Variants in NR1H2 observed in about 807,000 individuals in gnomAD.
The protein encoded by NR1H2 is oxysterols receptor LXR-beta.
In NR1H2, 33 loss-of-function variants were observed where a neutral mutation model predicts 51.2. The observed-to-expected ratio is 0.64, with a 90% CI of 0.49 to 0.86. The LOEUF (loss-of-function observed/expected upper bound fraction) is 0.86. Among genes scored for constraint, NR1H2 ranks in the 40% least tolerant of loss-of-function variants. The probability of loss-of-function intolerance (pLI) is 0.00; values close to 1 mark genes in which losing one functional copy is unlikely to be tolerated. For synonymous variants in NR1H2, 310 were observed against 264.3 expected, an observed-to-expected ratio of 1.17 and a Z score of -1.68; for missense variants, 592 against 639.9, an observed-to-expected ratio of 0.93 and a Z score of 0.81.
intron 7 of NR1H2, among the ~76,000 whole-genome samples, chr19:50,379,554 G>T (rs1178719710): frequency 6.6e-6 from 1 of 152,188 alleles, no homozygotes; most frequent in African/African-American, 2.4e-5. Context: ...CCTGGGGAAA[G>T]AGTATCCTAA....
At chr19:50,377,516 T>G in intron 2 of NR1H2, 71 bp from the exon 3 acceptor site, 2 of 1,217,546 alleles carry the variant, frequency 1.6e-6, no homozygotes, top group Admixed American at 2.1e-5. Flanking sequence ...GAAAGCCCTG[T>G]CAGGACCTGT....
chr19:50,377,957 G>A (rs2037696234), intron 4 of NR1H2, 87 bp downstream of exon 4: 1 of 1,479,476 alleles, frequency 6.8e-7, no homozygotes, highest in Non-Finnish European at 9.0e-7. Flanking sequence ...GGGAGGCCCT[G>A]ATCTTTGCTT....
At chr19:50,379,240 G>A (rs765852685) in intron 7 of NR1H2, 59 bp downstream of exon 7, 1 of 1,526,582 alleles carries the variant, frequency 6.6e-7, no homozygotes, top group Non-Finnish European at 8.9e-7. Context: ...GATGCTGGGA[G>A]CAGAGTTAAG....
At chr19:50,379,270 T>C (rs764534406) in intron 7 of NR1H2, 89 bp downstream of exon 7, 5 of 1,363,366 alleles carry the variant, frequency 3.7e-6, no homozygotes, top group Non-Finnish European at 5.0e-6. Flanking sequence ...TGCTTGCCGT[T>C]GTAGGATGAC....
rs1409446384 is a variant in NR1H2 at position 50,379,185 on chromosome 19, A to G, written c.927+4A>G. On this transcript the variant is annotated splice_donor_region_variant and intron_variant, in intron 7 of 9. Coordinates refer to ENST00000253727, the MANE Select transcript of NR1H2 (RefSeq NM_007121.7). ...CCTGAAGGCATCCACTATCGAGGTA[A>G]TGGTCCATCTGCCCACAAGGAACCC... is the stretch of plus-strand genomic sequence containing the variant. 7 of 1,608,066 alleles carry G rather than the reference A, an allele frequency of 4.4e-6. No individual in the cohort carries two copies. The highest frequency in any genetic ancestry group is 2.7e-5 in the African/African-American group (2 of 74,866).
In NR1H2 at chr19:50,379,066, C is replaced by T. The variant is rs1280987573; in HGVS notation, c.812C>T (p.Thr271Met). The change falls in exon 7 of 10, where the codon ACG becomes ATG. Residue 271 changes from threonine to methionine, a missense_variant. Transcript: ENST00000253727. ...DARQQRFAHF[T>M]ELAIISVQEI... ...CGCCAGCAACGCTTTGCCCACTTCA[C>T]GGAGCTGGCCATCATCTCAGTCCAG... 3 of 1,613,864 alleles carry T rather than the reference C, an allele frequency of 1.9e-6. No homozygotes were observed. The highest frequency in any genetic ancestry group is 1.7e-5 in the Admixed American group (1 of 59,998).
At position 50,382,667 on chromosome 19, in the gene NR1H2, C is replaced by G; in HGVS notation, c.*65C>G. On this transcript the variant is annotated 3_prime_UTR_variant, in exon 10 of 10. Transcript: ENST00000253727. ...CTCCAGCAGATAGACGCCGGCACCCCTTCCTCTTCCTAGGGTGGAAGGGGC... is the reference window on the plus strand; with the variant it reads ...CTCCAGCAGATAGACGCCGGCACCCGTTCCTCTTCCTAGGGTGGAAGGGGC... 6.8e-7 allele frequency: 1 copy of G among 1,478,972 alleles called. No homozygotes were observed. Among genetic ancestry groups the G allele is most frequent in the South Asian group, 1.3e-5 (1 of 74,470 alleles). The allele number at this position is 1,478,972 out of a possible 1,614,324, so 91.6% of individuals were successfully genotyped here.
rs914592064 is a variant in NR1H2 at position 50,382,805 on chromosome 19, G to C, written c.*203G>C. ...GTCTTCCAGAAGGGGTGAAAGGGTT[G>C]CAGGTCCCGACCACTGACCCTTCCC... On this transcript the variant is annotated 3_prime_UTR_variant, in exon 10 of 10. Coordinates refer to ENST00000253727, the MANE Select transcript of NR1H2 (RefSeq NM_007121.7). The C allele has an allele frequency of 7.7e-6, 4 of 520,568 alleles. No individual in the cohort carries two copies. The African/African-American group carries it at 7.9e-5, about 10-fold the overall frequency. 32.2% of individuals were successfully genotyped at this position (520,568 alleles called of 1,614,324 possible).
intron 2 of NR1H2, chr19:50,377,163 G>A (rs919801068): frequency 1.8e-5 from 3 of 166,808 alleles, no homozygotes; most frequent in Non-Finnish European, 3.9e-5. Context: ...GAAGGTTGAG[G>A]GCGGAGCATA....
chr19:50,378,270 G>T lies in NR1H2; in HGVS notation c.303G>T (p.Val101=). The change falls in exon 5 of 10, where the codon GTG becomes GTT. Residue 101 remains valine, a synonymous_variant. Coordinates refer to ENST00000253727, the MANE Select transcript of NR1H2 (RefSeq NM_007121.7). ...GDKASGFHYN[V]LSCEGCKGFF... is the part of the protein sequence containing the mutation. ...AGGCCTCCGGCTTCCACTACAACGTGCTCAGCTGCGAAGGCTGCAAGGGCT... is the reference window on the plus strand; with the variant it reads ...AGGCCTCCGGCTTCCACTACAACGTTCTCAGCTGCGAAGGCTGCAAGGGCT... The T allele has an allele frequency of 6.2e-7, 1 of 1,613,514 alleles. No individual in the cohort carries two copies. The highest frequency in any genetic ancestry group is 8.5e-7 in the Non-Finnish European group (1 of 1,180,036).
Position 50,378,319 on chromosome 19 carries a change from G to C in NR1H2, c.352G>C (p.Gly118Arg), listed in dbSNP as rs1479611300. 1.9e-6 allele frequency: 3 copies of C among 1,613,064 alleles called. No individual in the cohort carries two copies. Among genetic ancestry groups the C allele is most frequent in the South Asian group, 1.1e-5 (1 of 91,088 alleles). ...KGFFRRSVVR[G>R]GARRYACRGG... ...CTTCTTCCGGCGCAGTGTGGTCCGT[G>C]GTGGGGCCAGGCGCTATGCCTGCCG... Residue 118 changes from glycine to arginine, a missense_variant, in exon 5 of 10, where the codon GGT (glycine) becomes CGT (arginine). Physicochemically the swap from Gly to Arg is moderately radical, Grantham distance 125. Coordinates refer to ENST00000253727, the MANE Select transcript of NR1H2 (RefSeq NM_007121.7).
At chr19:50,379,940 C>A in intron 8 of NR1H2, 61 bp downstream of exon 8, 2 of 1,043,242 alleles carry the variant, frequency 1.9e-6, no homozygotes, top group Non-Finnish European at 3.0e-6. Context: ...AGACCTGGGG[C>A]CAACTCATCC....
rs183692190 is a variant in NR1H2, at chr19:50,378,130, C to T, written c.182-19C>T. 9.4e-6 allele frequency: 15 copies of T among 1,597,926 alleles called. No individual in the cohort carries two copies. The African/African-American group carries it at 1.5e-4, about 16-fold the overall frequency. On this transcript the variant is annotated intron_variant, in intron 4 of 9. Transcript: ENST00000253727. ...TTTCTCCTTGTGGCTTTCTCATGGC[C>T]TCTACCTACCCACCCCAGTCATCCC...
In NR1H2 at chr19:50,377,956, T is replaced by C. The variant is rs73932489; in HGVS notation, c.181+86T>C. 6,362 of 1,477,822 alleles carry C rather than the reference T, an allele frequency of 4.3e-3. 156 individuals are homozygous for C. The African/African-American group carries it at 0.06, about 14-fold the overall frequency. The allele number at this position is 1,477,822 out of a possible 1,614,324, so 91.5% of individuals were successfully genotyped here. On this transcript the variant is annotated intron_variant, in intron 4 of 9. Coordinates refer to ENST00000253727, the MANE Select transcript of NR1H2 (RefSeq NM_007121.7). ...AAATAGAAATGGGAATGGGAGGCCCTGATCTTTGCTTTTTGTTCTTGCTTT... is the reference window on the plus strand; with the variant it reads ...AAATAGAAATGGGAATGGGAGGCCCCGATCTTTGCTTTTTGTTCTTGCTTT...
chr19:50,378,368 A>T lies in NR1H2; in HGVS notation c.401A>T (p.Asp134Val). The stretch of plus-strand genomic sequence containing the variant: ...CGGGGTGGCGGAACCTGCCAGATGG[A>T]CGCTTTCATGCGGCGCAAGTGCCAG... Reference protein sequence around the residue: ...ACRGGGTCQMDAFMRRKCQQC... With the variant: ...ACRGGGTCQMVAFMRRKCQQC... The change falls in exon 5 of 10, where the codon GAC (aspartate) becomes GTC (valine). Residue 134 changes from aspartate to valine, a missense_variant. This residue lies in a region of NR1H2 where 316 missense variants were observed against 313.4 expected (regional missense o/e 1.01). Coordinates refer to ENST00000253727, the MANE Select transcript of NR1H2 (RefSeq NM_007121.7). 1 of 1,611,186 alleles carries T rather than the reference A, an allele frequency of 6.2e-7. No homozygotes were observed. The highest frequency in any genetic ancestry group is 2.2e-5 in the East Asian group (1 of 44,804).
chr19:50,382,349 T>TGGCTCCCACGCC (rs2037786445), intron 9 of NR1H2, 107 bp from the exon 10 acceptor site: 1 of 1,439,672 alleles, frequency 6.9e-7, no homozygotes, highest in Non-Finnish European at 9.3e-7. Context: ...GGCCCCACGC[T>TGGCTCCCACGCC]GGCTCCCACG....
At position 50,378,327 on chromosome 19, in the gene NR1H2, C is replaced by T. The variant is rs753949321; in HGVS notation, c.360C>T (p.Ala120=). Residue 120 remains alanine (A), a synonymous_variant, in exon 5 of 10, where the codon GCC becomes GCT. Transcript: ENST00000253727. ...FFRRSVVRGG[A]RRYACRGGGT... ...GGCGCAGTGTGGTCCGTGGTGGGGC[C>T]AGGCGCTATGCCTGCCGGGGTGGCG... is the stretch of plus-strand genomic sequence containing the variant. 1.2e-5 allele frequency: 20 copies of T among 1,612,972 alleles called. No homozygotes were observed. The highest frequency in any genetic ancestry group is 1.7e-5 in the Non-Finnish European group (20 of 1,179,918).
rs2037736935 is a variant in NR1H2 at position 50,379,840 on chromosome 19, A to AGCC, written c.988_989insGCC (p.Lys330delinsSerGln). 6.2e-7 allele frequency: 1 copy of AGCC among 1,613,870 alleles called. No homozygotes were observed. The highest frequency in any genetic ancestry group is 1.7e-5 in the Admixed American group (1 of 59,992). On this transcript the variant is annotated protein_altering_variant, in exon 8 of 10. Coordinates refer to ENST00000253727, the MANE Select transcript of NR1H2 (RefSeq NM_007121.7). ...CGAGACAGAGTGTATCACCTTCTTG[A>AGCC]AGGACTTCACCTACAGCAAGGACGA...
chr19:50,378,383 G>A lies in NR1H2; in HGVS notation c.416G>A (p.Arg139His), dbSNP rs772741012. The A allele has an allele frequency of 1.2e-6, 2 of 1,608,562 alleles. No individual in the cohort carries two copies. Among genetic ancestry groups the A allele is most frequent in the East Asian group, 2.2e-5 (1 of 44,714 alleles). The change falls in exon 5 of 10, where the codon CGC becomes CAC. Residue 139 changes from arginine (R) to histidine (H), a missense_variant. Transcript: ENST00000253727. Reference protein sequence around the residue: ...GTCQMDAFMRRKCQQCRLRKC... With the variant: ...GTCQMDAFMRHKCQQCRLRKC... ...TGCCAGATGGACGCTTTCATGCGGC[G>A]CAAGTGCCAGCAGTGCCGGCTGCGC...
Sources: gnomAD v4.1 joint callset for allele counts (sites outside exome capture counted in the v4.1 genomes callset) on GRCh38, gnomAD v4.1.1 for gene constraint, gnomAD v4.1.1 regional missense constraint, MANE v1.5 for transcripts, NCBI Gene and HGNC (gene_info 2026-07-23, HGNC 2026-07-21) for gene names.